The following EHF variants were observed in gnomAD, a reference collection of about 807,000 sequenced individuals.
The protein encoded by EHF is ESE3 transcription factor.
Under a neutral mutation model 45.1 loss-of-function variants are expected in EHF, and 14 were observed. The observed-to-expected ratio is 0.31, with a 90% CI of 0.21 to 0.49. EHF has a LOEUF of 0.49. EHF is among the 20% of genes least tolerant of loss of function. The pLI is 0.99. For synonymous variants in EHF, 136 were observed against 131.8 expected (o/e 1.03, Z -0.22); for missense variants, 282 against 371.4 (o/e 0.76, Z 1.98).
chr11:34,646,958 G>A (rs1489884438), intron 3 of EHF: 19 of 496,212 alleles, frequency 3.8e-5, no homozygotes, highest in African/African-American at 1.0e-4. Context: ...CTAGGAATTC[G>A]TAGAATACTT....
rs1045781764 is a variant in EHF, at chr11:34,658,470, C to T, written c.608-63C>T. The T allele has an allele frequency of 1.7e-4, 236 of 1,417,790 alleles. 1 individual carries two copies. Among genetic ancestry groups the T allele is most frequent in the Non-Finnish European group, 2.2e-4 (226 of 1,031,370 alleles). The allele number at this position is 1,417,790 out of a possible 1,614,324, so 87.8% of individuals were successfully genotyped here. ...TGCAGGAAGATGACCTAACTCAATG[C>T]TCTCTGCCCTATCTTTGCTGTGACT... On this transcript the variant is annotated intron_variant, in intron 7 of 8. Coordinates refer to ENST00000257831, the MANE Select transcript of EHF (RefSeq NM_012153.6).
intron 6 of EHF, among the ~76,000 whole-genome samples, chr11:34,654,562 A>T (rs1011167244): frequency 6.6e-6 from 1 of 152,196 alleles, no homozygotes; most frequent in Non-Finnish European, 1.5e-5. Flanking sequence ...GATTAAAAAA[A>T]GAACGTTCCT....
At chr11:34,632,797 C>A (rs1853021516) in intron 1 of EHF, 1 of 989,552 alleles carries the variant, frequency 1.0e-6, no homozygotes, top group Admixed American at 2.1e-5. Context: ...TGTGAATAGT[C>A]CATCAGGGTA....
In EHF at chr11:34,662,351, G is replaced by A. The variant is rs890833043; in HGVS notation, c.*3420G>A. On this transcript the variant is annotated 3_prime_UTR_variant, in exon 9 of 9. Coordinates refer to ENST00000257831, the MANE Select transcript of EHF (RefSeq NM_012153.6). ...ACTCTTTATTTTGCCTTCTACTTGC[G>A]CTGAAATGAAACCAAAACAGGCCGT... Among the ~76,000 whole-genome samples the A allele has an allele frequency of 3.3e-5, 5 of 151,854 alleles. No homozygotes were observed. The highest frequency in any genetic ancestry group is 9.7e-5 in the African/African-American group (4 of 41,338).
chr11:34,625,229 T>A (rs1852268851), intron 1 of EHF, among the ~76,000 whole-genome samples: 1 of 152,168 alleles, frequency 6.6e-6, no homozygotes, highest in Admixed American at 6.5e-5. Flanking sequence ...TTAAGGATGT[T>A]AGAATCCACT....
At chr11:34,623,347 A>G (rs1225893839) in intron 1 of EHF, among the ~76,000 whole-genome samples, 1 of 152,082 alleles carries the variant, frequency 6.6e-6, no homozygotes, top group Non-Finnish European at 1.5e-5. Context: ...CAGCCTCCCA[A>G]AGTGCTGGGA....
rs1173705500 is a variant in EHF at position 34,663,057 on chromosome 11, T to C, written c.*4126T>C. 6.6e-6 allele frequency among the ~76,000 whole-genome samples: 1 copy of C among 152,168 alleles called. No homozygotes were observed. Among genetic ancestry groups the C allele is most frequent in the Non-Finnish European group, 1.5e-5 (1 of 68,024 alleles). On this transcript the variant is annotated 3_prime_UTR_variant, in exon 9 of 9. Transcript: ENST00000257831. ...ATTGGGATTAATCTTTCTGTAGTTATCTGCATAATTCTTGTTTTTCTTTCC... is the reference window on the plus strand; with the variant it reads ...ATTGGGATTAATCTTTCTGTAGTTACCTGCATAATTCTTGTTTTTCTTTCC...
chr11:34,626,410 C>A (rs953453515), intron 1 of EHF, among the ~76,000 whole-genome samples: 14 of 152,126 alleles, frequency 9.2e-5, no homozygotes, highest in African/African-American at 3.1e-4. Context: ...TTCTTAGGAA[C>A]CTTAAAAAAA....
At chr11:34,622,026 A>G in intron 1 of EHF, 1 of 156,128 alleles carries the variant, frequency 6.4e-6, no homozygotes. Flanking sequence ...CCATTTTGGG[A>G]GACTATGATC....
intron 3 of EHF, among the ~76,000 whole-genome samples, chr11:34,647,722 G>A (rs1218160247): frequency 3.9e-5 from 6 of 152,164 alleles, no homozygotes; most frequent in Admixed American, 3.9e-4. Flanking sequence ...AGAGGACCTG[G>A]GGCCTTGCAG....
chr11:34,658,474 C>T (rs1278537783), intron 7 of EHF, 59 bp from the exon 8 acceptor site: 38 of 1,458,534 alleles, frequency 2.6e-5, no homozygotes, highest in Non-Finnish European at 3.4e-5. Flanking sequence ...TCAATGCTCT[C>T]TGCCCTATCT....
At chr11:34,645,303 A>G (rs3751076) in intron 2 of EHF, among the ~76,000 whole-genome samples, 28,914 of 152,066 alleles carry the variant, frequency 0.19, 3,171 homozygotes, top group South Asian at 0.37. Context: ...AATGAACTGC[A>G]CTTCTTCATT....
chr11:34,635,450 C>CTTTTTTTTTT lies in EHF; in HGVS notation c.-3-7169_-3-7160dup, dbSNP rs56121359. On this transcript the variant is annotated intron_variant, in intron 1 of 8. Coordinates refer to ENST00000257831, the MANE Select transcript of EHF (RefSeq NM_012153.6). ...CCTAGCCCCAATCCGAAACCTTATT[C>CTTTTTTTTTT]TTTTTTTTTTTTTTTTTTGAGATGG... is the stretch of plus-strand genomic sequence containing the variant. Among the ~76,000 whole-genome samples the CTTTTTTTTTT allele has an allele frequency of 1.3e-4, 15 of 113,212 alleles. 4 individuals are homozygous for CTTTTTTTTTT. The highest frequency in any genetic ancestry group is 5.9e-4 in the South Asian group (2 of 3,368). The allele number at this position is 113,212 out of a possible 152,430, so 74.3% of individuals were successfully genotyped here. A position where few individuals can be genotyped will look rare whatever the true frequency, so the allele number is the denominator to read the frequency against.
At chr11:34,622,372 T>A (rs1852040484) in intron 1 of EHF, 1 of 1,277,696 alleles carries the variant, frequency 7.8e-7, no homozygotes, top group African/African-American at 1.5e-5. Flanking sequence ...TCCAAGAACT[T>A]ACTGATGGAA....
At chr11:34,654,892 A>G (rs1161083791) in intron 6 of EHF, among the ~76,000 whole-genome samples, 1 of 152,218 alleles carries the variant, frequency 6.6e-6, no homozygotes, top group East Asian at 1.9e-4. Flanking sequence ...CTCTGAAATA[A>G]TGGCCCTGCA....
At chr11:34,629,094 A>G (rs532888811) in intron 1 of EHF, among the ~76,000 whole-genome samples, 2 of 152,176 alleles carry the variant, frequency 1.3e-5, no homozygotes, top group South Asian at 4.1e-4. Context: ...CATTTTCATC[A>G]GGCTCAGCTA....
Position 34,650,305 on chromosome 11 carries a change from T to C in EHF, c.406+1224T>C, listed in dbSNP as rs189967071. Among the ~76,000 whole-genome samples the C allele has an allele frequency of 2.8e-4, 42 of 152,192 alleles. 1 individual carries two copies. Among genetic ancestry groups the C allele is most frequent in the Non-Finnish European group, 7.4e-5 (5 of 68,004 alleles). On this transcript the variant is annotated intron_variant, in intron 4 of 8. Coordinates refer to ENST00000257831, the MANE Select transcript of EHF (RefSeq NM_012153.6). ...CTAGGAGGAGGGGAGAAGAAGCTCA[T>C]AGAGGGGCCAACACCCCCATACCTC... is the stretch of plus-strand genomic sequence containing the variant.
intron 1 of EHF, among the ~76,000 whole-genome samples, chr11:34,628,261 A>C (rs988689424): frequency 2.6e-5 from 4 of 152,178 alleles, no homozygotes; most frequent in African/African-American, 9.6e-5. Flanking sequence ...AATAAAAAAA[A>C]ACTCTGTAAT....
intron 2 of EHF, among the ~76,000 whole-genome samples, chr11:34,646,030 GTGTGT>G (rs766629474): frequency 8.3e-3 from 240 of 28,890 alleles, no homozygotes; most frequent in African/African-American, 0.07. Context: ...GTTTGGTGGT[GTGTGT>G]GTGTGTGTGT....
Sources: allele counts gnomAD v4.1 joint callset (sites outside exome capture counted in the v4.1 genomes callset), GRCh38; gene constraint gnomAD v4.1.1; transcripts MANE v1.5; gene names NCBI Gene and HGNC (gene_info 2026-07-23, HGNC 2026-07-21).